GPI: variants seen among roughly 807,000 people sequenced by gnomAD.
GPI encodes the protein glucose-6-phosphate isomerase.
GPI carries 56 observed loss-of-function variants against 75.8 expected under a neutral mutation model. The observed-to-expected ratio is 0.74, with a 90% CI of 0.60 to 0.92. The LOEUF (loss-of-function observed/expected upper bound fraction) is 0.92. GPI is among the 40% of genes least tolerant of loss of function. The pLI is 0.00. For missense variants in GPI, 638 were observed against 741.0 expected, an observed-to-expected ratio of 0.86 and a Z score of 1.61; for synonymous variants, 288 against 285.4, an observed-to-expected ratio of 1.01 and a Z score of -0.09.
At chr19:34,384,042 A>G (rs1449104459) in intron 9 of GPI, among the ~76,000 whole-genome samples, 2 of 152,094 alleles carry the variant, frequency 1.3e-5, no homozygotes, top group African/African-American at 4.8e-5. Flanking sequence ...CCAAGACTGT[A>G]CTCAGGTAGG....
upstream of GPI, chr19:34,364,852 A>C: frequency 3.9e-5 from 33 of 840,104 alleles, no homozygotes; most frequent in Non-Finnish European, 5.6e-5. Context: ...TTCGATCTAT[A>C]GAGTTTTGTC....
intron 8 of GPI, among the ~76,000 whole-genome samples, chr19:34,380,638 C>G (rs1402021211): frequency 6.6e-6 from 1 of 152,180 alleles, no homozygotes; most frequent in Non-Finnish European, 1.5e-5. Context: ...TCTCCTGTCT[C>G]CAAGTTCTCA....
Position 34,377,525 on chromosome 19 carries a change from A to AGG in GPI, c.428_429dup (p.Tyr144GlyfsTer25). ...CAGCGTGTCCGGAGCGGTGACTGGA[A>AGG]GGGGTACACAGGCAAGACCATCACG... is the stretch of plus-strand genomic sequence containing the variant. On this transcript the variant is annotated frameshift_variant, in exon 5 of 18. Transcript: ENST00000356487. LOFTEE classifies it high-confidence loss of function. 6.2e-7 allele frequency: 1 copy of AGG among 1,612,724 alleles called. No homozygotes were observed. The highest frequency in any genetic ancestry group is 8.5e-7 in the Non-Finnish European group (1 of 1,179,482).
chr19:34,397,670 C>T lies in GPI; in HGVS notation c.1269+1013C>T, dbSNP rs937715365. ...GCACTTACAGGCACTAACAGCCTGG[C>T]TAACTGTTAAACTTTTTGTAGAGGC... On this transcript the variant is annotated intron_variant, in intron 14 of 17. Transcript: ENST00000356487. 5 of 151,708 alleles carry T rather than the reference C, an allele frequency of 3.3e-5. No homozygotes were observed. The Admixed American group carries it at 3.3e-4, about 10-fold the overall frequency. 9.4% of individuals were successfully genotyped at this position (151,708 alleles called of 1,614,324 possible).
At chr19:34,378,466 T>C (rs1350340594) in intron 6 of GPI, among the ~76,000 whole-genome samples, 1 of 152,142 alleles carries the variant, frequency 6.6e-6, no homozygotes, top group African/African-American at 2.4e-5. Context: ...GCACCCCCCC[T>C]TGGCCTCCCA....
In GPI at chr19:34,400,164, C is replaced by A; in HGVS notation, c.*128C>A. 2 of 989,622 alleles carry A rather than the reference C, an allele frequency of 2.0e-6. No individual in the cohort carries two copies. The highest frequency in any genetic ancestry group is 3.2e-6 in the Non-Finnish European group (2 of 630,880). The allele number at this position is 989,622 out of a possible 1,614,324, so 61.3% of individuals were successfully genotyped here. A position where few individuals can be genotyped will look rare whatever the true frequency, so the allele number is the denominator to read the frequency against. ...TCTGGTTGTGGGCTTGGACCACGAGCCCTTAGCAGGGAAGGCTGGTCTCCC... is the reference window on the plus strand; with the variant it reads ...TCTGGTTGTGGGCTTGGACCACGAGACCTTAGCAGGGAAGGCTGGTCTCCC... On this transcript the variant is annotated 3_prime_UTR_variant, in exon 18 of 18. Transcript: ENST00000356487.
chr19:34,388,016 G>T, intron 9 of GPI, among the ~76,000 whole-genome samples: 1 of 152,176 alleles, frequency 6.6e-6, no homozygotes, highest in Non-Finnish European at 1.5e-5. Flanking sequence ...GATGTCTAGG[G>T]AACCCTAAAG....
chr19:34,396,850 G>A (rs2074953555), intron 14 of GPI, among the ~76,000 whole-genome samples, 193 bp downstream of exon 14: 2 of 152,190 alleles, frequency 1.3e-5, no homozygotes, highest in African/African-American at 2.4e-5. Flanking sequence ...TTGCTCTGTC[G>A]CCCAGGCTGG....
chr19:34,366,583 C>T, intron 2 of GPI, 148 bp downstream of exon 2: 2 of 769,234 alleles, frequency 2.6e-6, no homozygotes, highest in Admixed American at 1.9e-5. Context: ...GGCACCTGTC[C>T]CTGGCTTAGG....
upstream of GPI, chr19:34,365,113 C>T: frequency 1.2e-6 from 1 of 859,180 alleles, no homozygotes. Context: ...GGGTCGGGGG[C>T]GGGGCCGGGG....
At position 34,366,800 on chromosome 19, in the gene GPI, G is replaced by A. The variant is rs765934208; in HGVS notation, c.231G>A (p.Val77=). Residue 77 remains valine (V), a synonymous_variant, in exon 3 of 18, where the codon GTG becomes GTA. Transcript: ENST00000356487. The part of the protein sequence containing the change: ...MLVDLAKSRG[V]EAARERMFNG... ...CTTCCTAGGCCAAGTCCAGGGGCGT[G>A]GAGGCCGCCCGGGAGCGGATGTTCA... is the stretch of plus-strand genomic sequence containing the variant. The A allele has an allele frequency of 3.1e-6, 5 of 1,613,206 alleles. No homozygotes were observed. The highest frequency in any genetic ancestry group is 4.2e-6 in the Non-Finnish European group (5 of 1,179,666).
rs1218974073 is a variant in GPI, at chr19:34,393,692, G to A, written c.866-36G>A. The stretch of plus-strand genomic sequence containing the variant: ...GCCCACTGCCCACAGGACGCAGGGT[G>A]TGGCCACTTCTGTTGACTCTGCTTT... On this transcript the variant is annotated intron_variant, in intron 10 of 17. Coordinates refer to ENST00000356487, the MANE Select transcript of GPI (RefSeq NM_000175.5). This position sits in a 1 kb window ranked among gnomAD's most constrained non-coding sequence, Gnocchi z 4.4. 6.2e-7 allele frequency: 1 copy of A among 1,610,066 alleles called. No homozygotes were observed. The highest frequency in any genetic ancestry group is 8.5e-7 in the Non-Finnish European group (1 of 1,176,916).
upstream of GPI, among the ~76,000 whole-genome samples, chr19:34,360,093 C>A (rs1035497664): frequency 1.3e-5 from 2 of 152,134 alleles, no homozygotes; most frequent in Admixed American, 6.5e-5. Flanking sequence ...TGAAGGTGTC[C>A]GGCTCTGCAG....
rs746725896 is a variant in GPI at position 34,399,264 on chromosome 19, G to A, written c.1327G>A (p.Glu443Lys). The A allele has an allele frequency of 2.7e-5, 43 of 1,613,904 alleles. No individual in the cohort carries two copies. The highest frequency in any genetic ancestry group is 3.6e-5 in the Non-Finnish European group (42 of 1,180,024). The change falls in exon 15 of 18, where the codon GAG (glutamate) becomes AAG (lysine). Residue 443 changes from glutamate to lysine, a missense_variant. Coordinates refer to ENST00000356487, the MANE Select transcript of GPI (RefSeq NM_000175.5). ...TEALMRGKSTEEARKELQAAG... is the reference protein window; with the variant it reads ...TEALMRGKSTKEARKELQAAG... ...GGCCCTGATGAGGGGAAAATCGACG[G>A]AGGAGGCCCGAAAGGAGCTCCAGGC...
chr19:34,365,234 C>G lies in GPI; in HGVS notation c.-33C>G, dbSNP rs374135310. ...TGCCGGCGCTCCTTCCTCCTCGGCT[C>G]GCGTCTCACTCAGTGTACCTTCTAG... On this transcript the variant is annotated 5_prime_UTR_variant, in exon 1 of 18. Transcript: ENST00000356487. 8 of 1,468,506 alleles carry G rather than the reference C, an allele frequency of 5.4e-6. No homozygotes were observed. The highest frequency in any genetic ancestry group is 2.1e-5 in the Admixed American group (1 of 47,100). The allele number at this position is 1,468,506 out of a possible 1,614,324, so 91.0% of individuals were successfully genotyped here.
Position 34,365,393 on chromosome 19 carries a change from G to T in GPI, c.122+5G>T, listed in dbSNP as rs767139341. Reference sequence around the variant, plus strand: ...GGACCGCTTCAACCACTTCAGGTGCGGGCGGGCCGGAGGCGGGGGCTGCCA... The same window carrying T: ...GGACCGCTTCAACCACTTCAGGTGCTGGCGGGCCGGAGGCGGGGGCTGCCA... On this transcript the variant is annotated splice_donor_5th_base_variant and intron_variant, in intron 1 of 17. Transcript: ENST00000356487. The T allele has an allele frequency of 6.4e-7, 1 of 1,573,104 alleles. No homozygotes were observed. Among genetic ancestry groups the T allele is most frequent in the East Asian group, 2.4e-5 (1 of 41,544 alleles).
At chr19:34,365,865 C>T in intron 1 of GPI, 1 of 470,842 alleles carries the variant, frequency 2.1e-6, no homozygotes, top group South Asian at 1.5e-5. Context: ...GGCGTGATTC[C>T]TGCAGAAGAC....
chr19:34,393,917 C>G lies in GPI; in HGVS notation c.913C>G (p.Gln305Glu), dbSNP rs915528916. ...QLLSGAHWMD[Q>E]HFRTTPLEKN... ...ACTCATCCTGCTCCTGTTTCAGGACCAGCACTTCCGCACGACGCCCCTGGA... is the reference window on the plus strand; with the variant it reads ...ACTCATCCTGCTCCTGTTTCAGGACGAGCACTTCCGCACGACGCCCCTGGA... The change falls in exon 12 of 18, where the codon CAG (glutamine) becomes GAG (glutamate). Residue 305 changes from glutamine to glutamate, a missense_variant. Gln to Glu is a conservative substitution (Grantham distance 29). Coordinates refer to ENST00000356487, the MANE Select transcript of GPI (RefSeq NM_000175.5). The surrounding 1 kb of genome is among the most constrained non-coding windows in gnomAD (Gnocchi z 4.4). 1.9e-6 allele frequency: 3 copies of G among 1,613,620 alleles called. No homozygotes were observed. The highest frequency in any genetic ancestry group is 2.5e-6 in the Non-Finnish European group (3 of 1,179,974).
At chr19:34,365,614 C>G (rs1188898165) in intron 1 of GPI, 1 of 750,904 alleles carries the variant, frequency 1.3e-6, no homozygotes, top group Non-Finnish European at 2.3e-6. Flanking sequence ...GGGTCTGCTT[C>G]GTTACGAGGA....
Sources: allele counts gnomAD v4.1 joint callset (sites outside exome capture counted in the v4.1 genomes callset), GRCh38; gene constraint gnomAD v4.1.1; non-coding constraint Gnocchi (gnomAD v3.1); transcripts MANE v1.5; gene names NCBI Gene and HGNC (gene_info 2026-07-23, HGNC 2026-07-21).